STAB2: variants seen among roughly 807,000 people sequenced by gnomAD.
STAB2 encodes the protein stabilin-2.
A neutral mutation model predicts 338.1 loss-of-function variants in STAB2; 288 were observed. The observed-to-expected ratio is 0.85, with a 90% CI of 0.77 to 0.94. The LOEUF (loss-of-function observed/expected upper bound fraction) is 0.94. STAB2 is among the 40% of genes least tolerant of loss of function. The pLI is 0.00. For missense variants in STAB2, 3,141 were observed against 3,210.1 expected, an observed-to-expected ratio of 0.98 and a Z score of 0.52; for synonymous variants, 1,202 against 1,193.3, an observed-to-expected ratio of 1.01 and a Z score of -0.15.
At chr12:103,600,212 C>T (rs1046785955) in intron 3 of STAB2, among the ~76,000 whole-genome samples, 2 of 152,102 alleles carry the variant, frequency 1.3e-5, no homozygotes, top group South Asian at 2.1e-4. Flanking sequence ...CATTTCTGTA[C>T]ATCTCATTTC....
chr12:103,662,714 C>T (rs1874727636), intron 17 of STAB2, 132 bp from the exon 18 acceptor site: 1 of 1,014,308 alleles, frequency 9.9e-7, no homozygotes, highest in South Asian at 1.8e-5. Flanking sequence ...TAGCAACCTA[C>T]CCTCCAATGA....
intron 50 of STAB2, among the ~76,000 whole-genome samples, chr12:103,732,472 G>C (rs1022035727): frequency 2.0e-5 from 3 of 152,120 alleles, no homozygotes; most frequent in African/African-American, 7.2e-5. Context: ...GCAGTCACTG[G>C]GGACTCCAGA....
chr12:103,758,409 T>C, intron 64 of STAB2, 120 bp downstream of exon 64: 1 of 1,500,442 alleles, frequency 6.7e-7, no homozygotes, highest in South Asian at 1.3e-5. Flanking sequence ...TCACAGATCA[T>C]CTGCAGATCA....
rs1347729392 is a variant in STAB2 at position 103,692,844 on chromosome 12, T to C, written c.3330T>C (p.Asp1110=). ...CAATTGAAGGGGCCTCCATTGTCGA[T>C]GGGGACAACGCAGCCACAAATGGAG... ...NITIEGASIV[D]GDNAATNGVI... Residue 1110 remains aspartate, a synonymous_variant, in exon 31 of 69, where the codon GAT becomes GAC. Coordinates refer to ENST00000388887, the MANE Select transcript of STAB2 (RefSeq NM_017564.10). 6.2e-7 allele frequency: 1 copy of C among 1,613,722 alleles called. No homozygotes were observed. The highest frequency in any genetic ancestry group is 1.1e-5 in the South Asian group (1 of 91,036).
chr12:103,710,536 A>G (rs1879758533), intron 39 of STAB2, among the ~76,000 whole-genome samples: 1 of 152,216 alleles, frequency 6.6e-6, no homozygotes, highest in African/African-American at 2.4e-5. Flanking sequence ...TCAAAGTAGC[A>G]CACCATTAAG....
intron 3 of STAB2, among the ~76,000 whole-genome samples, chr12:103,619,747 ACGCCCCCCGCCCC>A (rs1957267133): frequency 1.4e-5 from 2 of 145,112 alleles, no homozygotes; most frequent in African/African-American, 5.2e-5. Context: ...CTCATCAGCA[ACGCCCCCCGCCCC>A]CGCCACCCCA....
intron 47 of STAB2, among the ~76,000 whole-genome samples, chr12:103,728,089 T>G (rs565816812): frequency 6.6e-6 from 1 of 152,172 alleles, no homozygotes; most frequent in Non-Finnish European, 1.5e-5. Context: ...AAAAAGCCAT[T>G]AAAGGAGTTA....
At chr12:103,679,566 A>G (rs1287416647) in intron 25 of STAB2, among the ~76,000 whole-genome samples, 1 of 152,088 alleles carries the variant, frequency 6.6e-6, no homozygotes, top group Non-Finnish European at 1.5e-5. Context: ...AACTATTTCA[A>G]TAGACCACAG....
At chr12:103,591,282 C>T (rs1407709423) in intron 2 of STAB2, among the ~76,000 whole-genome samples, 4 of 151,950 alleles carry the variant, frequency 2.6e-5, no homozygotes, top group Non-Finnish European at 4.4e-5. Flanking sequence ...ATCAGGAGTT[C>T]GAGACCAACC....
intron 60 of STAB2, among the ~76,000 whole-genome samples, chr12:103,751,074 A>T (rs17034464): frequency 0.092 from 13,948 of 152,278 alleles, 833 homozygotes; most frequent in East Asian, 0.24. Flanking sequence ...GCCAGAAAGG[A>T]CCCACAAACA....
chr12:103,757,497 T>C (rs192083280), intron 63 of STAB2, among the ~76,000 whole-genome samples: 21 of 152,350 alleles, frequency 1.4e-4, no homozygotes, highest in East Asian at 7.7e-4. Context: ...TAGAAGATGA[T>C]AGATCCAGAT....
intron 54 of STAB2, 123 bp from the exon 55 acceptor site, chr12:103,740,507 A>T: frequency 7.3e-7 from 1 of 1,374,570 alleles, no homozygotes; most frequent in Non-Finnish European, 9.7e-7. Context: ...AAGTTGGCTC[A>T]CACTGGAAGT....
chr12:103,748,929 G>T (rs1178908024), intron 58 of STAB2, 34 bp from the exon 59 acceptor site: 1 of 1,591,994 alleles, frequency 6.3e-7, no homozygotes, highest in South Asian at 1.1e-5. Context: ...CACAGAAGGT[G>T]GTAAGTTGAG....
chr12:103,737,203 G>A (rs561356159), intron 52 of STAB2, among the ~76,000 whole-genome samples: 9 of 152,268 alleles, frequency 5.9e-5, no homozygotes, highest in East Asian at 5.8e-4. Flanking sequence ...CACTGCTGAC[G>A]TTTCTCCTTT....
rs755115802 is a variant in STAB2, at chr12:103,703,176, A to T, written c.3743A>T (p.Tyr1248Phe). 1.9e-6 allele frequency: 3 copies of T among 1,613,998 alleles called. No homozygotes were observed. The South Asian group carries it at 3.3e-5, about 18-fold the overall frequency. Reference sequence around the variant, plus strand: ...TATGTAAATGAGGCTCCAATAAACTACACCAATGTAGCCACTGATAAGGGA... The same window carrying T: ...TATGTAAATGAGGCTCCAATAAACTTCACCAATGTAGCCACTGATAAGGGA... ...QLYVNEAPIN[Y>F]TNVATDKGVI... is the part of the protein sequence containing the mutation. The change falls in exon 35 of 69, where the codon TAC becomes TTC. Residue 1248 changes from tyrosine to phenylalanine, a missense_variant. Transcript: ENST00000388887.
intron 50 of STAB2, 42 bp downstream of exon 50, chr12:103,731,677 AAAG>A: frequency 1.3e-6 from 2 of 1,582,782 alleles, no homozygotes; most frequent in South Asian, 1.1e-5. Context: ...TAACCTGCCT[AAAG>A]AAGTTTTGTT....
chr12:103,680,938 G>A (rs141661481), intron 25 of STAB2, among the ~76,000 whole-genome samples: 58 of 152,360 alleles, frequency 3.8e-4, no homozygotes, highest in African/African-American at 1.3e-3. Context: ...GCTCAGTGGT[G>A]AGGATAAGAG....
chr12:103,603,152 G>A (rs2138569513), intron 3 of STAB2, among the ~76,000 whole-genome samples: 1 of 152,110 alleles, frequency 6.6e-6, no homozygotes, highest in East Asian at 1.9e-4. Context: ...CTCACTGCAA[G>A]CTCTGCCTCC....
chr12:103,652,492 C>T, intron 11 of STAB2, 64 bp from the exon 12 acceptor site: 1 of 1,449,924 alleles, frequency 6.9e-7, no homozygotes, highest in Non-Finnish European at 9.2e-7. Flanking sequence ...AAGTAAGGCA[C>T]AGCATGTGTT....
Sources: allele counts gnomAD v4.1 joint callset (sites outside exome capture counted in the v4.1 genomes callset), GRCh38; gene constraint gnomAD v4.1.1; transcripts MANE v1.5; gene names NCBI Gene and HGNC (gene_info 2026-07-23, HGNC 2026-07-21).